The following PAK1 variants were observed in gnomAD, a reference collection of about 807,000 sequenced individuals.
PAK1 encodes serine/threonine-protein kinase PAK 1.
In PAK1, 29 loss-of-function variants were observed where a neutral mutation model predicts 67.4. The ratio of observed to expected loss-of-function variants is 0.43; its 90% CI spans 0.32 to 0.59. PAK1 has a LOEUF of 0.59. Among genes scored for constraint, PAK1 ranks in the 20% least tolerant of loss-of-function variants. The pLI is 0.07. For missense variants in PAK1, 337 were observed against 670.7 expected, an observed-to-expected ratio of 0.50 and a Z score of 5.50; for synonymous variants, 223 against 237.4, an observed-to-expected ratio of 0.94 and a Z score of 0.56.
At chr11:77,490,742 AAAG>A in the PAK1 span, among the ~76,000 whole-genome samples, 2 of 152,240 alleles carry the variant, frequency 1.3e-5, no homozygotes, top group East Asian at 1.9e-4. Flanking sequence ...GTCTGTGTAG[AAAG>A]AAGTAGACAT....
intron 2 of PAK1, among the ~76,000 whole-genome samples, chr11:77,388,074 AAGAT>A (rs1388904093): frequency 6.6e-6 from 1 of 152,236 alleles, no homozygotes; most frequent in Non-Finnish European, 1.5e-5. Context: ...CAAAGGATGA[AAGAT>A]AGTTAGATCA....
At chr11:77,380,034 C>T (rs765450804) in intron 2 of PAK1, 40 bp from the exon 3 acceptor site, 2 of 1,486,976 alleles carry the variant, frequency 1.3e-6, no homozygotes. Context: ...AAAACAGGAA[C>T]ATTATTGTTT....
chr11:77,323,209 A>G lies in PAK1; in HGVS notation c.*65T>C. On this transcript the variant is annotated 3_prime_UTR_variant, in exon 15 of 15. Transcript: ENST00000356341. ...AGGAGAAGAGGGCATCAGGAGTTGG[A>G]ATTTCTGAAATGTGCATTTATCTCA... 2 of 1,609,482 alleles carry G rather than the reference A, an allele frequency of 1.2e-6. No individual in the cohort carries two copies. Among genetic ancestry groups the G allele is most frequent in the Non-Finnish European group, 1.7e-6 (2 of 1,177,640 alleles).
chr11:77,344,277 C>T (rs1420073736), intron 9 of PAK1, among the ~76,000 whole-genome samples: 2 of 152,164 alleles, frequency 1.3e-5, no homozygotes, highest in Admixed American at 1.3e-4. Context: ...AAAGTCACAA[C>T]AGAAAAGAGA....
At chr11:77,329,793 G>C (rs1305730461) in intron 14 of PAK1, among the ~76,000 whole-genome samples, 1 of 152,056 alleles carries the variant, frequency 6.6e-6, no homozygotes, top group South Asian at 2.1e-4. Context: ...GGGCAATCAG[G>C]CAGGAGAAGG....
chr11:77,400,208 C>G (rs1952485748), intron 1 of PAK1, among the ~76,000 whole-genome samples: 1 of 151,972 alleles, frequency 6.6e-6, no homozygotes, highest in African/African-American at 2.4e-5. Context: ...GCAAATGCAT[C>G]CAGACCACAG....
chr11:77,518,856 A>C, the PAK1 span, among the ~76,000 whole-genome samples: 1 of 152,200 alleles, frequency 6.6e-6, no homozygotes, highest in Admixed American at 6.5e-5. Flanking sequence ...TAACTTTTTT[A>C]ATACAAACAG....
intron 1 of PAK1, among the ~76,000 whole-genome samples, chr11:77,428,569 CT>C (rs1955681116): frequency 6.9e-6 from 1 of 144,516 alleles, no homozygotes; most frequent in Non-Finnish European, 1.5e-5. Flanking sequence ...AAGACTCCAT[CT>C]CAAAAAAAAA....
At chr11:77,409,216 G>A (rs927664704) in intron 1 of PAK1, among the ~76,000 whole-genome samples, 2 of 152,060 alleles carry the variant, frequency 1.3e-5, no homozygotes, top group African/African-American at 4.8e-5. Context: ...AGCTGCAGTA[G>A]GCCATGATCG....
At chr11:77,461,037 A>C (rs1957321130) in intron 1 of PAK1, among the ~76,000 whole-genome samples, 1 of 152,194 alleles carries the variant, frequency 6.6e-6, no homozygotes, top group African/African-American at 2.4e-5. Flanking sequence ...TTCCTGAAGA[A>C]ATCATCAAAA....
chr11:77,481,993 GCTT>G, the PAK1 span, among the ~76,000 whole-genome samples: 1 of 151,820 alleles, frequency 6.6e-6, no homozygotes, highest in Non-Finnish European at 1.5e-5. Flanking sequence ...TTACCGTTTT[GCTT>G]CTTTTTTTTT....
At chr11:77,422,941 GC>G (rs1955348171) in intron 1 of PAK1, among the ~76,000 whole-genome samples, 1 of 152,048 alleles carries the variant, frequency 6.6e-6, no homozygotes. Flanking sequence ...AGTAGAAAAG[GC>G]TGGCAGAGTA....
the PAK1 span, among the ~76,000 whole-genome samples, chr11:77,529,026 T>C: frequency 1.7e-4 from 26 of 152,194 alleles, no homozygotes; most frequent in African/African-American, 5.8e-4. Flanking sequence ...TTATCAACCA[T>C]TCACCTAATA....
the PAK1 span, among the ~76,000 whole-genome samples, chr11:77,516,895 A>G: frequency 6.6e-6 from 1 of 150,902 alleles, no homozygotes; most frequent in South Asian, 2.1e-4. Context: ...AGTCCCAGTT[A>G]ATTGGGAGGC....
chr11:77,386,995 A>G (rs185274719), intron 2 of PAK1, among the ~76,000 whole-genome samples: 121 of 150,840 alleles, frequency 8.0e-4, no homozygotes, highest in African/African-American at 2.9e-3. Context: ...GCTAGTCTTG[A>G]GCTCCTGGCC....
intron 1 of PAK1, among the ~76,000 whole-genome samples, chr11:77,402,722 A>G (rs975391272): frequency 4.6e-5 from 7 of 152,144 alleles, no homozygotes; most frequent in Non-Finnish European, 8.8e-5. Flanking sequence ...CTGCCTGAAC[A>G]TGTCCTGATT....
chr11:77,409,457 T>C (rs1954166243), intron 1 of PAK1, among the ~76,000 whole-genome samples: 1 of 152,034 alleles, frequency 6.6e-6, no homozygotes, highest in African/African-American at 2.4e-5. Flanking sequence ...AGTATATATC[T>C]AAAAGAAAGC....
intron 1 of PAK1, among the ~76,000 whole-genome samples, chr11:77,396,484 A>G (rs757578275): frequency 1.3e-5 from 2 of 152,198 alleles, no homozygotes; most frequent in South Asian, 4.1e-4. Context: ...TTCATGTCCT[A>G]TGTATTTCTC....
At chr11:77,451,563 A>G (rs1441067979) in intron 1 of PAK1, among the ~76,000 whole-genome samples, 1 of 151,714 alleles carries the variant, frequency 6.6e-6, no homozygotes, top group South Asian at 2.1e-4. Context: ...TGTATTAAAT[A>G]TATTTGCTTG....
Sources: allele counts gnomAD v4.1 joint callset (sites outside exome capture counted in the v4.1 genomes callset), GRCh38; gene constraint gnomAD v4.1.1; transcripts MANE v1.5; gene names NCBI Gene and HGNC (gene_info 2026-07-23, HGNC 2026-07-21).